PPARGC1A: variants seen among roughly 807,000 people sequenced by gnomAD.
PPARGC1A encodes the protein peroxisome proliferator-activated receptor gamma coactivator 1-alpha.
Under a neutral mutation model 88.7 loss-of-function variants are expected in PPARGC1A, and 25 were observed. The observed-to-expected ratio is 0.28, with a 90% CI of 0.21 to 0.39. The LOEUF (loss-of-function observed/expected upper bound fraction) is 0.39, where lower values mean the gene tolerates loss of function less well. Ranked by LOEUF, PPARGC1A falls within the 10% of genes least tolerant of loss-of-function variation. PPARGC1A has a pLI of 1.00. For synonymous variants in PPARGC1A, 363 were observed against 355.6 expected (o/e 1.02, Z -0.24); for missense variants, 880 against 968.7 (o/e 0.91, Z 1.22).
the PPARGC1A span, among the ~76,000 whole-genome samples, chr4:24,070,272 G>C: frequency 6.6e-6 from 1 of 152,120 alleles, no homozygotes; most frequent in Non-Finnish European, 1.5e-5. Context: ...ACATATGAGA[G>C]GAAGTTCCCA....
the PPARGC1A span, among the ~76,000 whole-genome samples, chr4:24,169,337 G>C: frequency 6.6e-6 from 1 of 152,054 alleles, no homozygotes; most frequent in Non-Finnish European, 1.5e-5. Context: ...GTCCTGGATG[G>C]GATCCCAGAA....
upstream of PPARGC1A, among the ~76,000 whole-genome samples, chr4:23,903,010 T>C (rs1719594149): frequency 6.6e-6 from 1 of 152,218 alleles, no homozygotes; most frequent in African/African-American, 2.4e-5. Flanking sequence ...CATGGTAATA[T>C]ATTTATTTCT....
chr4:23,928,793 A>C, the PPARGC1A span, among the ~76,000 whole-genome samples: 99 of 151,776 alleles, frequency 6.5e-4, no homozygotes, highest in African/African-American at 2.2e-3. Context: ...CAAAAAAAAA[A>C]ACCCAAGATC....
chr4:24,245,093 C>T, the PPARGC1A span, among the ~76,000 whole-genome samples: 2 of 152,218 alleles, frequency 1.3e-5, no homozygotes, highest in African/African-American at 4.8e-5. Flanking sequence ...TGTTCAACAG[C>T]TGGATCGCAT....
At chr4:24,375,119 G>A in the PPARGC1A span, among the ~76,000 whole-genome samples, 1 of 151,872 alleles carries the variant, frequency 6.6e-6, no homozygotes, top group Non-Finnish European at 1.5e-5. Flanking sequence ...AAAACTCCAG[G>A]TTGATTTTCT....
chr4:24,134,521 T>C, the PPARGC1A span, among the ~76,000 whole-genome samples: 4 of 152,270 alleles, frequency 2.6e-5, no homozygotes. Flanking sequence ...ATATTCCAGA[T>C]GTCATGAGAG....
chr4:24,075,442 T>C, the PPARGC1A span, among the ~76,000 whole-genome samples: 4 of 152,326 alleles, frequency 2.6e-5, no homozygotes, highest in Admixed American at 2.0e-4. Flanking sequence ...GGAGAATTAT[T>C]CTATGGATAT....
At chr4:24,254,238 T>C in the PPARGC1A span, among the ~76,000 whole-genome samples, 3 of 152,186 alleles carry the variant, frequency 2.0e-5, no homozygotes, top group African/African-American at 4.8e-5. Context: ...TGCAGCAACA[T>C]GAAGACATAG....
At chr4:24,357,696 T>C in the PPARGC1A span, among the ~76,000 whole-genome samples, 15 of 152,170 alleles carry the variant, frequency 9.9e-5, no homozygotes, top group African/African-American at 2.2e-4. Context: ...TGGGAGATAA[T>C]TGAATCATGG....
At chr4:24,152,067 C>T in the PPARGC1A span, among the ~76,000 whole-genome samples, 1 of 152,168 alleles carries the variant, frequency 6.6e-6, no homozygotes, top group African/African-American at 2.4e-5. Context: ...GAGGGAATTG[C>T]TGGATACAAA....
At chr4:24,328,256 C>A in the PPARGC1A span, among the ~76,000 whole-genome samples, 2 of 145,614 alleles carry the variant, frequency 1.4e-5, no homozygotes, top group East Asian at 2.2e-4. Flanking sequence ...TAGCAGCCCC[C>A]CCCCCAATCA....
the PPARGC1A span, among the ~76,000 whole-genome samples, chr4:24,112,314 G>A: frequency 1.3e-5 from 2 of 152,154 alleles, no homozygotes; most frequent in African/African-American, 2.4e-5. Context: ...TTGCAGTGTG[G>A]GAATGTGGAC....
At chr4:24,231,868 A>T in the PPARGC1A span, among the ~76,000 whole-genome samples, 45 of 152,316 alleles carry the variant, frequency 3.0e-4, no homozygotes, top group East Asian at 8.5e-3. Context: ...CTAGATAGTA[A>T]CCTATTTATT....
chr4:24,153,642 T>C, the PPARGC1A span, among the ~76,000 whole-genome samples: 1 of 152,222 alleles, frequency 6.6e-6, no homozygotes, highest in South Asian at 2.1e-4. Context: ...CATAAAAATT[T>C]CATAAAATGC....
At chr4:23,825,025 GC>G (rs1723688756) in intron 5 of PPARGC1A, 1 of 159,278 alleles carries the variant, frequency 6.3e-6, no homozygotes, top group South Asian at 1.8e-4. Context: ...CAAATTGTGG[GC>G]ATTGATCCAG....
chr4:23,815,592 T>C (rs1721832897), intron 7 of PPARGC1A, among the ~76,000 whole-genome samples: 1 of 152,094 alleles, frequency 6.6e-6, no homozygotes, highest in African/African-American at 2.4e-5. Flanking sequence ...CAGAAACCAC[T>C]GTGGGAGAGT....
rs970046389 is a variant in PPARGC1A, at chr4:23,792,367, A to G, written c.*3455T>C. On this transcript the variant is annotated 3_prime_UTR_variant, in exon 13 of 13. Coordinates refer to ENST00000264867, the MANE Select transcript of PPARGC1A (RefSeq NM_013261.5). ...ATCTATAGATCAGGTCTTAGACTACAGTGATTGAAGTTCTCATTACAGCCA... is the reference window on the plus strand; with the variant it reads ...ATCTATAGATCAGGTCTTAGACTACGGTGATTGAAGTTCTCATTACAGCCA... The G allele has an allele frequency of 6.6e-6, 1 of 152,628 alleles. No individual in the cohort carries two copies. Among genetic ancestry groups the G allele is most frequent in the African/African-American group, 2.4e-5 (1 of 41,456 alleles). 9.5% of individuals were successfully genotyped at this position (152,628 alleles called of 1,614,324 possible).
chr4:24,437,196 C>T, the PPARGC1A span, among the ~76,000 whole-genome samples: 3 of 152,232 alleles, frequency 2.0e-5, no homozygotes, highest in Non-Finnish European at 4.4e-5. Flanking sequence ...TGAAGGACTG[C>T]TTCATGGCAC....
At chr4:23,847,513 GCC>G (rs1433534202) in intron 2 of PPARGC1A, among the ~76,000 whole-genome samples, 2 of 152,128 alleles carry the variant, frequency 1.3e-5, no homozygotes, top group African/African-American at 4.8e-5. Context: ...AATGACTACT[GCC>G]ATCAGATTGA....
Sources: allele counts gnomAD v4.1 joint callset (sites outside exome capture counted in the v4.1 genomes callset), GRCh38; gene constraint gnomAD v4.1.1; transcripts MANE v1.5; gene names NCBI Gene and HGNC (gene_info 2026-07-23, HGNC 2026-07-21).